Variants in DOCK7 observed in about 807,000 individuals in gnomAD.
DOCK7 encodes the protein dedicator of cytokinesis protein 7.
A neutral mutation model predicts 271.0 loss-of-function variants in DOCK7; 138 were observed. The observed-to-expected ratio is 0.51, with a 90% CI of 0.44 to 0.59. DOCK7 has a LOEUF of 0.59. Among genes scored for constraint, DOCK7 ranks in the 20% least tolerant of loss-of-function variants. DOCK7 has a pLI of 0.00. For synonymous variants in DOCK7, 823 were observed against 876.1 expected (o/e 0.94, Z 1.07); for missense variants, 2,066 against 2,592.4 (o/e 0.80, Z 4.41).
At chr1:62,682,938 A>C (rs143213153) in intron 1 of DOCK7, among the ~76,000 whole-genome samples, 11 of 152,344 alleles carry the variant, frequency 7.2e-5, no homozygotes, top group African/African-American at 2.6e-4. Context: ...ACAATAAAAT[A>C]GGTAAGCTTT....
intron 1 of DOCK7, among the ~76,000 whole-genome samples, chr1:62,664,484 T>C (rs980992633): frequency 6.6e-6 from 1 of 152,320 alleles, no homozygotes; most frequent in African/African-American, 2.4e-5. Context: ...TCCCCAGCCA[T>C]GTGGAACTAC....
rs115812764 is a variant in DOCK7, at chr1:62,516,245, T to C, written c.3937-2347A>G. Reference sequence around the variant, plus strand: ...TGCCTACATTAAAAATGAGAATTTGTATTCATTCAAATAAATACATTAAAA... The same window carrying C: ...TGCCTACATTAAAAATGAGAATTTGCATTCATTCAAATAAATACATTAAAA... On this transcript the variant is annotated intron_variant, in intron 31 of 49. Transcript: ENST00000635253. Among the ~76,000 whole-genome samples, 5 of 152,162 alleles carry C rather than the reference T, an allele frequency of 3.3e-5. 1 individual carries two copies. The East Asian group carries it at 5.8e-4, about 18-fold the overall frequency.
Position 62,457,697 on chromosome 1 carries a change from T to C in DOCK7, c.6221A>G (p.Asp2074Gly), listed in dbSNP as rs779298570. The change falls in exon 49 of 50, where the codon GAT becomes GGT. Residue 2074 changes from aspartate (D) to glycine (G), a missense_variant. By Grantham distance (94) the Asp-to-Gly change is moderately conservative. Around this residue, in one of 2 missense-constraint regions of DOCK7, gnomAD observed 652 missense variants for 922.1 expected, o/e 0.71. Transcript: ENST00000635253. Reference sequence around the variant, plus strand: ...TAAGCTCTTATTTTTTCTTAAGGCATCTTCACACCTAGGAAAAACAGGATG... The same window carrying C: ...TAAGCTCTTATTTTTTCTTAAGGCACCTTCACACCTAGGAAAAACAGGATG... ...CFKDFTKRCE[D>G]ALRKNKSLIG... The C allele has an allele frequency of 2.5e-6, 4 of 1,612,798 alleles. No individual in the cohort carries two copies. The highest frequency in any genetic ancestry group is 3.4e-6 in the Non-Finnish European group (4 of 1,179,688).
At chr1:62,491,750 C>T (rs941360612) in intron 41 of DOCK7, among the ~76,000 whole-genome samples, 1 of 152,154 alleles carries the variant, frequency 6.6e-6, no homozygotes, top group East Asian at 1.9e-4. Context: ...ATTTATAGAG[C>T]CCTGTCAGTC....
At chr1:62,568,605 T>TAAAA (rs549578355) in intron 18 of DOCK7, among the ~76,000 whole-genome samples, 17 of 46,228 alleles carry the variant, frequency 3.7e-4, no homozygotes, top group Admixed American at 8.9e-4. Context: ...GTGCCCTGCC[T>TAAAA]AAAAAAAAAA....
At chr1:62,543,952 G>A (rs1322081064) in intron 23 of DOCK7, among the ~76,000 whole-genome samples, 3 of 151,840 alleles carry the variant, frequency 2.0e-5, no homozygotes, top group Non-Finnish European at 4.4e-5. Flanking sequence ...ATATATTTTT[G>A]GTCTTTAAAA....
intron 2 of DOCK7, among the ~76,000 whole-genome samples, chr1:62,659,469 T>A (rs1374323116): frequency 1.3e-5 from 2 of 149,154 alleles, no homozygotes; most frequent in South Asian, 2.2e-4. Flanking sequence ...CCCAGAGAAG[T>A]AGAAAAAAAG....
intron 43 of DOCK7, chr1:62,486,895 A>G (rs1387429759): frequency 6.6e-6 from 1 of 152,172 alleles, no homozygotes; most frequent in Non-Finnish European, 1.5e-5. Context: ...TCTTTCAACT[A>G]ATAGGATATC....
rs928356790 is a variant in DOCK7 at position 62,477,711 on chromosome 1, G to A, written c.5623C>T (p.His1875Tyr). ...ACCACAGCATTCACCTCCAATCTGT[G>A]AGATATCTCTGCAAGTTTGGTTATT... ...PAITKLAEIS[H>Y]RLEGFYGERF... is the part of the protein sequence containing the mutation. Residue 1875 changes from histidine to tyrosine, a missense_variant, in exon 44 of 50, where the codon CAC (histidine) becomes TAC (tyrosine). By Grantham distance (83) the His-to-Tyr change is moderately conservative. Around this residue, in one of 2 missense-constraint regions of DOCK7, gnomAD observed 652 missense variants for 922.1 expected, o/e 0.71. Coordinates refer to ENST00000635253, the MANE Select transcript of DOCK7 (RefSeq NM_001367561.1). 1.2e-6 allele frequency: 2 copies of A among 1,603,970 alleles called. No homozygotes were observed. Among genetic ancestry groups the A allele is most frequent in the African/African-American group, 2.7e-5 (2 of 74,586 alleles).
chr1:62,503,298 C>T (rs1646839398), intron 37 of DOCK7, among the ~76,000 whole-genome samples: 1 of 151,702 alleles, frequency 6.6e-6, no homozygotes, highest in Non-Finnish European at 1.5e-5. Context: ...GAACTACTTC[C>T]TTTTTAAAGT....
intron 48 of DOCK7, chr1:62,459,053 TAGAA>T (rs1156825807): frequency 2.6e-5 from 4 of 152,092 alleles, no homozygotes; most frequent in Non-Finnish European, 4.4e-5. Context: ...CTTAAAGTAT[TAGAA>T]AGGAAATAAG....
At chr1:62,614,967 C>T (rs969850850) in intron 14 of DOCK7, among the ~76,000 whole-genome samples, 1 of 151,806 alleles carries the variant, frequency 6.6e-6, no homozygotes, top group African/African-American at 2.4e-5. Context: ...AGCTTAAAAC[C>T]TTAGTTTCCA....
rs1286097106 is a variant in DOCK7, at chr1:62,488,938, T to C, written c.5489A>G (p.His1830Arg). 7 of 1,613,650 alleles carry C rather than the reference T, an allele frequency of 4.3e-6. No homozygotes were observed. Among genetic ancestry groups the C allele is most frequent in the Non-Finnish European group, 5.9e-6 (7 of 1,179,872 alleles). Residue 1830 changes from histidine (H) to arginine (R), a missense_variant, in exon 42 of 50, where the codon CAT becomes CGT. By Grantham distance (29) the His-to-Arg change is conservative. This residue lies in a region of DOCK7 where 652 missense variants were observed against 922.1 expected (regional missense o/e 0.71). Transcript: ENST00000635253. ...GCTAGAAATTGGAATCATTACCTGA[T>C]GAACAATTTTGCTGAATGCTTCTTG... ...KLQEAFSKIV[H>R]QSTGWERMFG... is the part of the protein sequence containing the mutation.
intron 20 of DOCK7, 47 bp downstream of exon 20, chr1:62,558,942 G>C: frequency 7.2e-7 from 1 of 1,397,656 alleles, no homozygotes; most frequent in Non-Finnish European, 9.9e-7. Context: ...ATTTAGAAAT[G>C]TCAAGTTATA....
At position 62,630,747 on chromosome 1, in the gene DOCK7, T is replaced by C. The variant is rs138539095; in HGVS notation, c.1282+493A>G. ...AGATATTTGAAGATCTCCTGTATTG[T>C]ACAATTTAAATTGGTGACTTATATG... On this transcript the variant is annotated intron_variant, in intron 11 of 49. Coordinates refer to ENST00000635253, the MANE Select transcript of DOCK7 (RefSeq NM_001367561.1). Among the ~76,000 whole-genome samples, 28 of 152,230 alleles carry C rather than the reference T, an allele frequency of 1.8e-4. No individual in the cohort carries two copies. The East Asian group carries it at 5.4e-3, about 29-fold the overall frequency.
intron 46 of DOCK7, 87 bp downstream of exon 46, chr1:62,475,620 T>C: frequency 2.4e-6 from 3 of 1,272,174 alleles, no homozygotes; most frequent in South Asian, 1.3e-5. Context: ...TAAGGGATGG[T>C]ACATATCTTC....
intron 1 of DOCK7, among the ~76,000 whole-genome samples, chr1:62,675,969 AAC>A (rs763739211): frequency 6.6e-6 from 1 of 152,184 alleles, no homozygotes; most frequent in Non-Finnish European, 1.5e-5. Flanking sequence ...GTCATTGTGG[AAC>A]AGTTTCGCAG....
rs1275834178 is a variant in DOCK7 at position 62,544,959 on chromosome 1, T to C, written c.2847A>G (p.Ala949=). The change falls in exon 23 of 50, where the codon GCA becomes GCG. Residue 949 remains alanine (A), a synonymous_variant. Coordinates refer to ENST00000635253, the MANE Select transcript of DOCK7 (RefSeq NM_001367561.1). ...ATATAAACACCACCTGTGTTGATTCTGCACTTGGACTGGGGTTGGATCCCC... is the reference window on the plus strand; with the variant it reads ...ATATAAACACCACCTGTGTTGATTCCGCACTTGGACTGGGGTTGGATCCCC... ...APWGSNPSPS[A]ESTQAMDRSC... The C allele has an allele frequency of 6.5e-7, 1 of 1,549,688 alleles. No individual in the cohort carries two copies. Among genetic ancestry groups the C allele is most frequent in the Non-Finnish European group, 8.7e-7 (1 of 1,146,410 alleles).
In DOCK7 at chr1:62,661,092, T is replaced by C. The variant is rs1408495781; in HGVS notation, c.144+1933A>G. On this transcript the variant is annotated intron_variant, in intron 2 of 49. Coordinates refer to ENST00000635253, the MANE Select transcript of DOCK7 (RefSeq NM_001367561.1). ...CAGCCTCGATGATAAAGCAAGAACC[T>C]GTCTGAAAAAAAAAAAAAAAGATAC... Among the ~76,000 whole-genome samples the C allele has an allele frequency of 4.8e-5, 7 of 147,112 alleles. No individual in the cohort carries two copies. In the East Asian group the frequency reaches 1.4e-3, roughly 29 times the overall value.
Sources: gnomAD v4.1 joint callset for allele counts (sites outside exome capture counted in the v4.1 genomes callset) on GRCh38, gnomAD v4.1.1 for gene constraint, gnomAD v4.1.1 regional missense constraint, MANE v1.5 for transcripts, NCBI Gene and HGNC (gene_info 2026-07-23, HGNC 2026-07-21) for gene names.